The following PCDHGA1 variants were observed in gnomAD, a reference collection of about 807,000 sequenced individuals.
The protein encoded by PCDHGA1 is protocadherin gamma subfamily A, 1.
PCDHGA1 carries 32 observed loss-of-function variants against 58.0 expected under a neutral mutation model. The ratio of observed to expected loss-of-function variants is 0.55; its 90% CI spans 0.42 to 0.74. The LOEUF (loss-of-function observed/expected upper bound fraction) is 0.74. PCDHGA1 is among the 30% of genes least tolerant of loss of function. The pLI, the probability that PCDHGA1 is intolerant of heterozygous loss-of-function variation, is 0.00. For missense variants in PCDHGA1, 1,205 were observed against 1,182.3 expected, an observed-to-expected ratio of 1.02 and a Z score of -0.28; for synonymous variants, 498 against 501.1, an observed-to-expected ratio of 0.99 and a Z score of 0.08.
At chr5:141,387,999 G>A (rs923312530) in intron 1 of PCDHGA1, 2 of 1,487,266 alleles carry the variant, frequency 1.3e-6, no homozygotes, top group Non-Finnish European at 1.8e-6. Flanking sequence ...CAGGATTCCC[G>A]AGGAAATGCC....
At chr5:141,337,318 C>T (rs1756672853) in intron 1 of PCDHGA1, among the ~76,000 whole-genome samples, 1 of 152,190 alleles carries the variant, frequency 6.6e-6, no homozygotes, top group Non-Finnish European at 1.5e-5. Context: ...GATATTTGTA[C>T]ACCTATGTTT....
In PCDHGA1 at chr5:141,332,230, G is replaced by T; in HGVS notation, c.1546G>T (p.Ala516Ser). The T allele has an allele frequency of 6.2e-7, 1 of 1,614,226 alleles. No individual in the cohort carries two copies. The highest frequency in any genetic ancestry group is 8.5e-7 in the Non-Finnish European group (1 of 1,180,038). The change falls in exon 1 of 4, where the codon GCG (alanine) becomes TCG (serine). Residue 516 changes from alanine to serine, a missense_variant. Coordinates refer to ENST00000517417, the MANE Select transcript of PCDHGA1 (RefSeq NM_018912.3). This position sits in a 1 kb window ranked among gnomAD's most constrained non-coding sequence, Gnocchi z 4.6. ...SINSDTGVLY[A>S]LRSFDYEQFR... Reference sequence around the variant, plus strand: ...CAACTCCGACACTGGGGTCCTGTATGCGCTGCGATCCTTCGACTATGAGCA... The same window carrying T: ...CAACTCCGACACTGGGGTCCTGTATTCGCTGCGATCCTTCGACTATGAGCA...
At chr5:141,507,171 C>T (rs183042063) in intron 3 of PCDHGA1, 3 of 152,462 alleles carry the variant, frequency 2.0e-5, no homozygotes, top group South Asian at 2.1e-4. Context: ...AGGCTGTCCT[C>T]TTCCTCGAGC....
In PCDHGA1 at chr5:141,491,921, A is replaced by T; in HGVS notation, c.2422-2886A>T. ...CCGGGGGTGGTGGCGACTGTGGGCG[A>T]GGGGAGGTGGGACCGACCCCCACCC... On this transcript the variant is annotated intron_variant, in intron 1 of 3. Coordinates refer to ENST00000517417, the MANE Select transcript of PCDHGA1 (RefSeq NM_018912.3). The surrounding 1 kb of genome is among the most constrained non-coding windows in gnomAD (Gnocchi z 6.9). The T allele has an allele frequency of 1.5e-6, 2 of 1,353,738 alleles. No homozygotes were observed. Among genetic ancestry groups the T allele is most frequent in the Non-Finnish European group, 2.0e-6 (2 of 1,013,388 alleles). 83.9% of individuals were successfully genotyped at this position (1,353,738 alleles called of 1,614,324 possible). A position where few individuals can be genotyped will look rare whatever the true frequency, so the allele number is the denominator to read the frequency against.
At chr5:141,386,476 G>A (rs2090588767) in intron 1 of PCDHGA1, among the ~76,000 whole-genome samples, 1 of 151,552 alleles carries the variant, frequency 6.6e-6, no homozygotes, top group African/African-American at 2.4e-5. Flanking sequence ...AAGAATTGGA[G>A]GCCCACCTAG....
At chr5:141,483,840 T>C (rs996866862) in intron 1 of PCDHGA1, among the ~76,000 whole-genome samples, 2 of 152,172 alleles carry the variant, frequency 1.3e-5, no homozygotes, top group South Asian at 2.1e-4. Context: ...AAGGACTTGG[T>C]TGAATTAAGA....
At chr5:141,350,127 C>A in intron 1 of PCDHGA1, 1 of 689,194 alleles carries the variant, frequency 1.5e-6, no homozygotes, top group Non-Finnish European at 2.2e-6. Flanking sequence ...GTGCACTGAG[C>A]ACAGACGCTG....
At position 141,485,122 on chromosome 5, in the gene PCDHGA1, G is replaced by C. The variant is rs1000179570; in HGVS notation, c.2422-9685G>C. The stretch of plus-strand genomic sequence containing the variant: ...CAGCTGCTGTGGCTGTTTGGGGCGG[G>C]TCGGCTTCATCCGCGTCTCAGGAGC... On this transcript the variant is annotated intron_variant, in intron 1 of 3. Transcript: ENST00000517417. This position sits in a 1 kb window ranked among gnomAD's most constrained non-coding sequence, Gnocchi z 5.7. The C allele has an allele frequency of 4.3e-6, 6 of 1,387,506 alleles. No individual in the cohort carries two copies. In the African/African-American group the frequency reaches 8.5e-5, roughly 20 times the overall value. The allele number at this position is 1,387,506 out of a possible 1,614,324, so 85.9% of individuals were successfully genotyped here. A position where few individuals can be genotyped will look rare whatever the true frequency, so the allele number is the denominator to read the frequency against.
intron 1 of PCDHGA1, chr5:141,339,041 T>C (rs1393162671): frequency 5.0e-6 from 8 of 1,604,928 alleles, no homozygotes; most frequent in Non-Finnish European, 6.8e-6. Context: ...GGCGACCCTG[T>C]GGGAGGCCAG....
chr5:141,414,437 C>T (rs1422750138), intron 1 of PCDHGA1: 1 of 1,613,856 alleles, frequency 6.2e-7, no homozygotes, highest in Non-Finnish European at 8.5e-7. Flanking sequence ...CAGGTATCCT[C>T]TTACAATATC....
At position 141,407,135 on chromosome 5, in the gene PCDHGA1, G is replaced by GA. The variant is rs796659459; in HGVS notation, c.2421+74038dup. The stretch of plus-strand genomic sequence containing the variant: ...TGGGTTTCAGTTGCTTTATTTTTAA[G>GA]AAAAAAAAGCTGAAGTGTCTGGGAA... On this transcript the variant is annotated intron_variant, in intron 1 of 3. Coordinates refer to ENST00000517417, the MANE Select transcript of PCDHGA1 (RefSeq NM_018912.3). 3.3e-5 allele frequency among the ~76,000 whole-genome samples: 5 copies of GA among 151,810 alleles called. No homozygotes were observed. In the South Asian group the frequency reaches 6.2e-4, roughly 19 times the overall value.
intron 1 of PCDHGA1, chr5:141,421,662 G>C: frequency 5.6e-6 from 9 of 1,613,844 alleles, no homozygotes; most frequent in Non-Finnish European, 7.6e-6. Context: ...AAGTCAGTGA[G>C]CACGCAATTC....
chr5:141,451,322 T>C (rs1452969719), intron 1 of PCDHGA1, among the ~76,000 whole-genome samples: 1 of 152,236 alleles, frequency 6.6e-6, no homozygotes, highest in African/African-American at 2.4e-5. Flanking sequence ...AAGTGTCACC[T>C]AAGGCTATTG....
At chr5:141,381,657 C>T (rs1224064730) in intron 1 of PCDHGA1, among the ~76,000 whole-genome samples, 5 of 152,134 alleles carry the variant, frequency 3.3e-5, no homozygotes, top group East Asian at 1.9e-4. Context: ...AAATGGGTTG[C>T]TTCTATAGCT....
intron 1 of PCDHGA1, chr5:141,478,312 C>T (rs768312280): frequency 8.1e-6 from 13 of 1,614,002 alleles, no homozygotes; most frequent in East Asian, 2.2e-5. Flanking sequence ...CCCCGGTGAG[C>T]TCACTGTACC....
chr5:141,403,612 GC>G, intron 1 of PCDHGA1: 1 of 1,613,854 alleles, frequency 6.2e-7, no homozygotes, highest in Non-Finnish European at 8.5e-7. Flanking sequence ...GCGGCGAGCC[GC>G]GTCGCTCCAG....
intron 1 of PCDHGA1, among the ~76,000 whole-genome samples, chr5:141,443,514 C>T (rs1386662758): frequency 6.6e-6 from 1 of 152,056 alleles, no homozygotes; most frequent in Non-Finnish European, 1.5e-5. Flanking sequence ...AAGAGCTTCT[C>T]TCCTTATGAC....
intron 1 of PCDHGA1, chr5:141,422,206 G>A (rs1269700250): frequency 6.4e-7 from 1 of 1,562,324 alleles, no homozygotes; most frequent in Non-Finnish European, 8.6e-7. Flanking sequence ...AGATGGTGGA[G>A]GTCTCTTTAC....
chr5:141,438,347 C>T (rs150878327), intron 1 of PCDHGA1, among the ~76,000 whole-genome samples: 7 of 151,730 alleles, frequency 4.6e-5, no homozygotes, highest in Non-Finnish European at 2.9e-5. Flanking sequence ...TAAGGATCTA[C>T]TCTGTGTATT....
Sources: allele counts gnomAD v4.1 joint callset (sites outside exome capture counted in the v4.1 genomes callset), GRCh38; gene constraint gnomAD v4.1.1; non-coding constraint Gnocchi (gnomAD v3.1); transcripts MANE v1.5; gene names NCBI Gene and HGNC (gene_info 2026-07-23, HGNC 2026-07-21).